Variants in NRXN3 observed in about 807,000 individuals in gnomAD.
The protein encoded by NRXN3 is neurexin III.
NRXN3 carries 32 observed loss-of-function variants against 137.6 expected under a neutral mutation model. The observed-to-expected ratio is 0.23, with a 90% confidence interval of 0.18 to 0.31. The LOEUF is 0.31. Among genes scored for constraint, NRXN3 ranks in the 10% least tolerant of loss-of-function variants. The pLI is 1.00. For synonymous variants in NRXN3, 798 were observed against 784.5 expected (o/e 1.02, Z -0.29); for missense variants, 1,574 against 2,062.5 (o/e 0.76, Z 4.59).
intron 16 of NRXN3, among the ~76,000 whole-genome samples, chr14:79,600,913 G>T (rs575080335): frequency 6.6e-6 from 1 of 151,958 alleles, no homozygotes; most frequent in Middle Eastern, 3.2e-3. Flanking sequence ...GGAAGGGATG[G>T]TATGAAAGGA....
chr14:79,523,937 G>A (rs1367402032), intron 16 of NRXN3, among the ~76,000 whole-genome samples: 1 of 152,122 alleles, frequency 6.6e-6, no homozygotes, highest in Admixed American at 6.5e-5. Context: ...TCACATCCTT[G>A]TGCCCTGAAG....
At chr14:78,339,296 A>T (rs1260429049) in intron 4 of NRXN3, among the ~76,000 whole-genome samples, 1 of 152,194 alleles carries the variant, frequency 6.6e-6, no homozygotes, top group Non-Finnish European at 1.5e-5. Context: ...GAAGCACAGA[A>T]ATGTTTAGAA....
chr14:79,061,203 T>A (rs1360925278), intron 15 of NRXN3, among the ~76,000 whole-genome samples: 2 of 152,180 alleles, frequency 1.3e-5, no homozygotes, highest in Non-Finnish European at 2.9e-5. Context: ...CATAAAGAGA[T>A]CCCATCTTTG....
intron 15 of NRXN3, among the ~76,000 whole-genome samples, chr14:79,101,521 C>T (rs80009026): frequency 0.028 from 4,334 of 152,190 alleles, 205 homozygotes; most frequent in African/African-American, 0.099. Context: ...GTGCTTTGGG[C>T]CATGCCCTGT....
chr14:79,368,536 T>A (rs2093980188), intron 15 of NRXN3, among the ~76,000 whole-genome samples: 1 of 152,224 alleles, frequency 6.6e-6, no homozygotes, highest in Non-Finnish European at 1.5e-5. Context: ...GAGTTCAGTG[T>A]TTCTTGGCTC....
intron 10 of NRXN3, among the ~76,000 whole-genome samples, chr14:78,925,720 G>C (rs220103): frequency 6.6e-6 from 1 of 151,912 alleles, no homozygotes; most frequent in Non-Finnish European, 1.5e-5. Flanking sequence ...CACAGCTTCC[G>C]CATGGAGCCA....
chr14:79,276,626 A>T (rs1242382281), intron 15 of NRXN3, among the ~76,000 whole-genome samples: 1 of 152,102 alleles, frequency 6.6e-6, no homozygotes, highest in Non-Finnish European at 1.5e-5. Flanking sequence ...ATTGCCTAGC[A>T]GAGAATTAAT....
chr14:79,485,124 A>G (rs1293860399), intron 16 of NRXN3, among the ~76,000 whole-genome samples: 2 of 151,840 alleles, frequency 1.3e-5, no homozygotes, highest in East Asian at 3.9e-4. Flanking sequence ...GGGTCTTTAT[A>G]TGAATCTCTG....
chr14:78,338,108 A>T (rs1410349057), intron 4 of NRXN3, among the ~76,000 whole-genome samples: 1 of 152,114 alleles, frequency 6.6e-6, no homozygotes, highest in Non-Finnish European at 1.5e-5. Flanking sequence ...CAAAGACTAA[A>T]TTATTCCCAG....
At chr14:78,924,925 A>G (rs1005373981) in intron 10 of NRXN3, among the ~76,000 whole-genome samples, 4 of 152,206 alleles carry the variant, frequency 2.6e-5, no homozygotes, top group Non-Finnish European at 5.9e-5. Context: ...CTGAAGAGGA[A>G]CAGGAGCACC....
At chr14:78,372,455 G>A (rs2087029478) in intron 4 of NRXN3, among the ~76,000 whole-genome samples, 1 of 152,040 alleles carries the variant, frequency 6.6e-6, no homozygotes, top group Non-Finnish European at 1.5e-5. Flanking sequence ...CTCCTGAGTA[G>A]CTGGGATCAC....
At chr14:78,414,813 C>T (rs917006102) in intron 4 of NRXN3, among the ~76,000 whole-genome samples, 13 of 151,964 alleles carry the variant, frequency 8.6e-5, no homozygotes, top group East Asian at 7.7e-4. Context: ...AAAAACCACA[C>T]GATCTCGGAG....
At chr14:78,850,553 T>A (rs1193010183) in intron 10 of NRXN3, among the ~76,000 whole-genome samples, 3 of 152,184 alleles carry the variant, frequency 2.0e-5, no homozygotes, top group Non-Finnish European at 4.4e-5. Context: ...CTTTAGAATA[T>A]TCTTATTAAA....
At position 79,618,363 on chromosome 14, in the gene NRXN3, C is replaced by T. The variant is rs187091771; in HGVS notation, c.3445-45415C>T. On this transcript the variant is annotated intron_variant, in intron 16 of 20. Coordinates refer to ENST00000335750, the MANE Select transcript of NRXN3 (RefSeq NM_001330195.2). ...ACCCTTCCCTCCCCCTCTAGTAATC[C>T]CCAGTGTCTATTGTTGACATATTTA... Among the ~76,000 whole-genome samples the T allele has an allele frequency of 2.8e-4, 42 of 152,046 alleles. 1 individual carries two copies.
chr14:79,208,899 T>C (rs1487673515), intron 15 of NRXN3, among the ~76,000 whole-genome samples: 1 of 149,972 alleles, frequency 6.7e-6, no homozygotes, highest in African/African-American at 2.5e-5. Flanking sequence ...TACCAATCTA[T>C]ATTCCCACCA....
intron 2 of NRXN3, among the ~76,000 whole-genome samples, chr14:78,246,333 T>C (rs1040015910): frequency 1.2e-4 from 18 of 152,232 alleles, no homozygotes; most frequent in African/African-American, 4.3e-4. Flanking sequence ...TTGTGTGCCA[T>C]TGGTTTTTTA....
chr14:79,605,597 C>A (rs769707853), intron 16 of NRXN3, among the ~76,000 whole-genome samples: 11 of 152,152 alleles, frequency 7.2e-5, no homozygotes, highest in Non-Finnish European at 1.3e-4. Flanking sequence ...AAGCAATTCT[C>A]CTGCCTCAGC....
intron 15 of NRXN3, among the ~76,000 whole-genome samples, chr14:79,095,972 T>C (rs1265695020): frequency 1.3e-5 from 2 of 152,080 alleles, no homozygotes. Flanking sequence ...TCTAGAAAAT[T>C]TTAAAAATTT....
chr14:79,148,529 A>G (rs754076036), intron 15 of NRXN3, among the ~76,000 whole-genome samples: 1 of 152,138 alleles, frequency 6.6e-6, no homozygotes, highest in Non-Finnish European at 1.5e-5. Flanking sequence ...AGCTCAAAGC[A>G]GAACCCAGTC....
Sources: allele counts gnomAD v4.1 joint callset (sites outside exome capture counted in the v4.1 genomes callset), GRCh38; gene constraint gnomAD v4.1.1; transcripts MANE v1.5; gene names NCBI Gene and HGNC (gene_info 2026-07-23, HGNC 2026-07-21).